Variants in CA10 observed in about 807,000 individuals in gnomAD.
CA10 encodes the protein carbonic anhydrase-related protein 10.
Under a neutral mutation model 44.2 loss-of-function variants are expected in CA10, and 14 were observed. The ratio of observed to expected loss-of-function variants is 0.32; its 90% confidence interval spans 0.21 to 0.50. CA10 has a LOEUF of 0.50. Among genes scored for constraint, CA10 ranks in the 20% least tolerant of loss-of-function variants. The pLI is 0.99. For missense variants in CA10, 350 were observed against 409.7 expected (o/e 0.85, Z 1.26); for synonymous variants, 159 against 141.6 (o/e 1.12, Z -0.87).
At chr17:51,971,607 GTT>G (rs60230158) in intron 2 of CA10, among the ~76,000 whole-genome samples, 124,093 of 151,744 alleles carry the variant, frequency 0.82, 51,243 homozygotes, top group East Asian at 0.95. Context: ...AGGAGTGAAA[GTT>G]AATCTTATTT....
intron 3 of CA10, among the ~76,000 whole-genome samples, chr17:51,810,585 A>G (rs1225943662): frequency 6.6e-6 from 1 of 152,210 alleles, no homozygotes; most frequent in Admixed American, 6.5e-5. Context: ...GGACTTGCCT[A>G]AAGATGCAGC....
At chr17:51,943,817 T>A (rs1333902902) in intron 2 of CA10, among the ~76,000 whole-genome samples, 1 of 152,164 alleles carries the variant, frequency 6.6e-6, no homozygotes, top group Non-Finnish European at 1.5e-5. Context: ...CAGGTTTTTC[T>A]CAGCTTTACA....
chr17:51,685,558 A>G (rs961706871), intron 4 of CA10, among the ~76,000 whole-genome samples: 7 of 152,226 alleles, frequency 4.6e-5, no homozygotes, highest in Admixed American at 2.6e-4. Flanking sequence ...GAGCCTTGCA[A>G]TCAAATGCAG....
intron 3 of CA10, among the ~76,000 whole-genome samples, chr17:51,818,762 A>G (rs1054504933): frequency 7.9e-5 from 12 of 152,324 alleles, no homozygotes; most frequent in Admixed American, 7.2e-4. Context: ...CTGACAAACC[A>G]TGGGATATTG....
chr17:51,860,161 C>G (rs901242289), intron 3 of CA10, among the ~76,000 whole-genome samples: 2 of 152,124 alleles, frequency 1.3e-5, no homozygotes, highest in Non-Finnish European at 2.9e-5. Context: ...ACCCTTTCTC[C>G]CCTAGTCTCT....
At chr17:52,108,915 A>T (rs1288739954) in intron 1 of CA10, among the ~76,000 whole-genome samples, 1 of 152,110 alleles carries the variant, frequency 6.6e-6, no homozygotes, top group Admixed American at 6.6e-5. Flanking sequence ...GGAGAAATAA[A>T]ATAAAATACT....
chr17:51,752,387 G>T (rs1904920892), intron 3 of CA10, among the ~76,000 whole-genome samples: 1 of 151,916 alleles, frequency 6.6e-6, no homozygotes, highest in African/African-American at 2.4e-5. Context: ...AGCTGCAGGG[G>T]ATATCCAGGT....
chr17:51,710,325 T>C (rs532777830), intron 4 of CA10, among the ~76,000 whole-genome samples: 2 of 152,294 alleles, frequency 1.3e-5, no homozygotes, highest in East Asian at 1.9e-4. Flanking sequence ...AAAGCTGAAG[T>C]TGGGGAGTGG....
rs188996687 is a variant in CA10 at position 51,949,695 on chromosome 17, A to C, written c.137-18563T>G. Among the ~76,000 whole-genome samples the C allele has an allele frequency of 2.0e-5, 3 of 152,262 alleles. No individual in the cohort carries two copies. In the East Asian group the frequency reaches 5.8e-4, roughly 29 times the overall value. On this transcript the variant is annotated intron_variant, in intron 2 of 8. Transcript: ENST00000451037. Reference sequence around the variant, plus strand: ...GAGTCTTATAAAGCAGGAGGGGAGTATGATGTATGGAAGCAAATGTTGAGC... The same window carrying C: ...GAGTCTTATAAAGCAGGAGGGGAGTCTGATGTATGGAAGCAAATGTTGAGC...
chr17:51,823,784 C>A (rs1405458765), intron 3 of CA10, among the ~76,000 whole-genome samples: 1 of 152,196 alleles, frequency 6.6e-6, no homozygotes, highest in African/African-American at 2.4e-5. Flanking sequence ...GGGTCCCAAC[C>A]TGTCATTCCA....
intron 2 of CA10, among the ~76,000 whole-genome samples, chr17:52,059,632 T>A (rs1035686169): frequency 3.3e-5 from 5 of 151,336 alleles, no homozygotes; most frequent in Non-Finnish European, 7.4e-5. Context: ...GTATCAAAAC[T>A]GCACATTGTG....
intron 4 of CA10, among the ~76,000 whole-genome samples, chr17:51,685,995 T>A (rs1327559740): frequency 6.6e-6 from 1 of 151,406 alleles, no homozygotes; most frequent in African/African-American, 2.4e-5. Flanking sequence ...TAACACGGTT[T>A]GGCTGTGTCC....
In CA10 at chr17:51,924,374, C is replaced by T. The variant is rs576679805; in HGVS notation, c.279+6616G>A. ...ATGTCTGTGGAAAGGAGATTTGGTGCTGTATTACAAGGGCTGTGAATGCCA... is the reference window on the plus strand; with the variant it reads ...ATGTCTGTGGAAAGGAGATTTGGTGTTGTATTACAAGGGCTGTGAATGCCA... On this transcript the variant is annotated intron_variant, in intron 3 of 8. Coordinates refer to ENST00000451037, the MANE Select transcript of CA10 (RefSeq NM_020178.5). Among the ~76,000 whole-genome samples the T allele has an allele frequency of 2.8e-3, 427 of 152,272 alleles. 5 individuals are homozygous for T. Among genetic ancestry groups the T allele is most frequent in the Non-Finnish European group, 2.1e-3 (144 of 68,028 alleles).
In CA10 at chr17:52,097,277, T is replaced by C. The variant is rs912603948; in HGVS notation, c.62-24884A>G. Among the ~76,000 whole-genome samples, 33 of 152,182 alleles carry C rather than the reference T, an allele frequency of 2.2e-4. 1 individual carries two copies. The highest frequency in any genetic ancestry group is 6.5e-4 in the Admixed American group (10 of 15,278). On this transcript the variant is annotated intron_variant, in intron 1 of 8. Coordinates refer to ENST00000451037, the MANE Select transcript of CA10 (RefSeq NM_020178.5). ...TTTAAATGTGTGTCAATAGATGGGTTTGTAATGGTATGCTACTGCAATTTT... is the reference window on the plus strand; with the variant it reads ...TTTAAATGTGTGTCAATAGATGGGTCTGTAATGGTATGCTACTGCAATTTT...
intron 4 of CA10, among the ~76,000 whole-genome samples, chr17:51,718,851 G>A (rs1315265008): frequency 6.6e-6 from 1 of 152,174 alleles, no homozygotes; most frequent in East Asian, 1.9e-4. Context: ...GGCAACCAGA[G>A]GTCACAGAAG....
intron 2 of CA10, among the ~76,000 whole-genome samples, chr17:52,059,070 C>G (rs1987306782): frequency 6.6e-6 from 1 of 152,072 alleles, no homozygotes; most frequent in African/African-American, 2.4e-5. Flanking sequence ...CCCTCTCATA[C>G]TGAGAGAATA....
chr17:51,660,126 T>C (rs1365582808), intron 4 of CA10, among the ~76,000 whole-genome samples: 4 of 152,194 alleles, frequency 2.6e-5, no homozygotes, highest in Non-Finnish European at 5.9e-5. Context: ...CAGTCATTCA[T>C]AGATCCAATC....
intron 2 of CA10, among the ~76,000 whole-genome samples, chr17:52,056,283 G>A (rs1373131447): frequency 6.6e-6 from 1 of 152,120 alleles, no homozygotes; most frequent in African/African-American, 2.4e-5. Flanking sequence ...ATTCTGTTCA[G>A]TGAGGGAAGA....
intron 4 of CA10, among the ~76,000 whole-genome samples, chr17:51,661,405 T>C (rs575758484): frequency 6.6e-6 from 1 of 152,300 alleles, no homozygotes; most frequent in South Asian, 2.1e-4. Flanking sequence ...TTGGGCTGCG[T>C]GGGTTGCAAA....
Sources: allele counts gnomAD v4.1 joint callset (sites outside exome capture counted in the v4.1 genomes callset), GRCh38; gene constraint gnomAD v4.1.1; transcripts MANE v1.5; gene names NCBI Gene and HGNC (gene_info 2026-07-23, HGNC 2026-07-21).